The following IL1RAP variants were observed in gnomAD, a reference collection of about 807,000 sequenced individuals.
The protein encoded by IL1RAP is interleukin 1 receptor accessory protein, also known as interleukin-1 receptor accessory protein.
IL1RAP carries 35 observed loss-of-function variants against 60.7 expected under a neutral mutation model. That is an observed-to-expected ratio of 0.58 (90% confidence interval 0.44 to 0.76). The LOEUF is 0.76. Among genes scored for constraint, IL1RAP ranks in the 30% least tolerant of loss-of-function variants. The pLI, the probability that IL1RAP is intolerant of heterozygous loss-of-function variation, is 0.00. For missense variants in IL1RAP, 572 were observed against 693.9 expected (o/e 0.82, Z 1.97); for synonymous variants, 268 against 250.9 (o/e 1.07, Z -0.64).
intron 1 of IL1RAP, among the ~76,000 whole-genome samples, chr3:190,548,015 G>A (rs527835151): frequency 6.6e-6 from 1 of 152,234 alleles, no homozygotes; most frequent in South Asian, 2.1e-4. Context: ...TTTCTATTGA[G>A]CCAATCATTT....
downstream of IL1RAP, chr3:190,656,024 C>T: frequency 6.5e-7 from 1 of 1,537,194 alleles, no homozygotes; most frequent in Non-Finnish European, 8.7e-7. Flanking sequence ...AACTCCATTG[C>T]CACCAAGCTC....
At chr3:190,517,966 A>G (rs961708731) in intron 1 of IL1RAP, 5 of 152,148 alleles carry the variant, frequency 3.3e-5, no homozygotes, top group Admixed American at 1.3e-4. Context: ...ATTGTTCTGC[A>G]TGGAAAAAAA....
Position 190,649,318 on chromosome 3 carries a change from T to G in IL1RAP, c.*613T>G, listed in dbSNP as rs1577831897. ...CTTGTCTTCTATACCACCCTTGTCC[T>G]CATCTCAGGTAATTTATGAAATCTA... On this transcript the variant is annotated 3_prime_UTR_variant, in exon 12 of 12. Coordinates refer to ENST00000447382, the MANE Select transcript of IL1RAP (RefSeq NM_002182.4). The G allele has an allele frequency of 2.0e-6, 2 of 984,948 alleles. No homozygotes were observed. The highest frequency in any genetic ancestry group is 2.4e-6 in the Non-Finnish European group (2 of 829,076). 61.0% of individuals were successfully genotyped at this position (984,948 alleles called of 1,614,324 possible).
intron 2 of IL1RAP, among the ~76,000 whole-genome samples, chr3:190,560,663 T>C (rs1479616347): frequency 6.6e-6 from 1 of 152,140 alleles, no homozygotes; most frequent in East Asian, 1.9e-4. Context: ...ATCCCACCCT[T>C]GGCACAGCAA....
At chr3:190,552,947 A>G (rs1560162633) in intron 1 of IL1RAP, among the ~76,000 whole-genome samples, 1 of 152,206 alleles carries the variant, frequency 6.6e-6, no homozygotes. Context: ...CTCCCTTAAT[A>G]CTCGACAAGT....
intron 7 of IL1RAP, among the ~76,000 whole-genome samples, chr3:190,624,218 A>G (rs1032786924): frequency 2.0e-5 from 3 of 152,274 alleles, no homozygotes; most frequent in African/African-American, 7.2e-5. Flanking sequence ...GCATAGGAAC[A>G]TAACAGTTTT....
chr3:190,571,742 G>A (rs561734233), intron 3 of IL1RAP, among the ~76,000 whole-genome samples: 24 of 152,292 alleles, frequency 1.6e-4, no homozygotes, highest in African/African-American at 5.5e-4. Flanking sequence ...AAGCAAGCTT[G>A]TCCAACCCGT....
intron 4 of IL1RAP, among the ~76,000 whole-genome samples, 172 bp from the exon 5 acceptor site, chr3:190,608,823 G>T (rs1273214548): frequency 4.7e-4 from 30 of 63,248 alleles, no homozygotes; most frequent in African/African-American, 9.6e-4. Context: ...TTTATTCTGT[G>T]ATGTCAATTC....
At chr3:190,585,476 G>T (rs1728371555) in intron 3 of IL1RAP, among the ~76,000 whole-genome samples, 1 of 152,134 alleles carries the variant, frequency 6.6e-6, no homozygotes, top group South Asian at 2.1e-4. Flanking sequence ...CAAGTATACT[G>T]CCCAGCCTAT....
At chr3:190,567,050 T>C (rs1726473161) in intron 3 of IL1RAP, among the ~76,000 whole-genome samples, 1 of 152,300 alleles carries the variant, frequency 6.6e-6, no homozygotes, top group Admixed American at 6.5e-5. Flanking sequence ...AGTCCTTCCA[T>C]GTGGGCCTTT....
intron 1 of IL1RAP, among the ~76,000 whole-genome samples, chr3:190,531,459 T>C (rs1163692334): frequency 6.6e-6 from 1 of 152,132 alleles, no homozygotes; most frequent in African/African-American, 2.4e-5. Flanking sequence ...AAGGGTTCTT[T>C]ACAAAAGCAT....
intron 9 of IL1RAP, among the ~76,000 whole-genome samples, chr3:190,639,724 G>A (rs1733512331): frequency 6.6e-6 from 1 of 152,170 alleles, no homozygotes; most frequent in Non-Finnish European, 1.5e-5. Flanking sequence ...TCGTAAGACA[G>A]TGTTAAATTT....
intron 1 of IL1RAP, among the ~76,000 whole-genome samples, chr3:190,552,541 C>T (rs2108593062): frequency 6.6e-6 from 1 of 152,226 alleles, no homozygotes; most frequent in South Asian, 2.1e-4. Flanking sequence ...TTTTGTCTTC[C>T]CTTTTAAAAA....
intron 1 of IL1RAP, among the ~76,000 whole-genome samples, chr3:190,522,755 G>C (rs569585974): frequency 1.3e-5 from 2 of 152,156 alleles, no homozygotes; most frequent in Non-Finnish European, 2.9e-5. Context: ...TTCATGTGTA[G>C]GAGGAATTAG....
chr3:190,549,760 G>A (rs529859656), intron 1 of IL1RAP, among the ~76,000 whole-genome samples: 1 of 152,350 alleles, frequency 6.6e-6, no homozygotes, highest in East Asian at 1.9e-4. Flanking sequence ...AACTTTCCCA[G>A]TTTGGAGCCT....
chr3:190,564,255 G>T (rs749148554), intron 2 of IL1RAP, 34 bp from the exon 3 acceptor site: 1 of 1,399,216 alleles, frequency 7.1e-7, no homozygotes, highest in Non-Finnish European at 1.0e-6. Flanking sequence ...AAAGTAGTAA[G>T]TGATTTCCCT....
At chr3:190,597,308 G>C (rs1234797674) in intron 3 of IL1RAP, among the ~76,000 whole-genome samples, 2 of 152,132 alleles carry the variant, frequency 1.3e-5, no homozygotes, top group Admixed American at 6.5e-5. Flanking sequence ...TGTTATGAAA[G>C]GAAAATTCTA....
chr3:190,618,319 T>C (rs1274044850), intron 5 of IL1RAP, among the ~76,000 whole-genome samples: 1 of 152,198 alleles, frequency 6.6e-6, no homozygotes, highest in African/African-American at 2.4e-5. Flanking sequence ...ACTTTACATG[T>C]TTGGAATAAG....
At chr3:190,521,306 T>G (rs1298767697) in intron 1 of IL1RAP, among the ~76,000 whole-genome samples, 1 of 152,138 alleles carries the variant, frequency 6.6e-6, no homozygotes, top group African/African-American at 2.4e-5. Context: ...TAACATTTTT[T>G]TTTTGCAATA....
Sources: gnomAD v4.1 joint callset for allele counts (sites outside exome capture counted in the v4.1 genomes callset) on GRCh38, gnomAD v4.1.1 for gene constraint, MANE v1.5 for transcripts, NCBI Gene and HGNC (gene_info 2026-07-23, HGNC 2026-07-21) for gene names.